Variants in PNPLA3 observed in about 807,000 individuals in gnomAD.
PNPLA3 encodes 1-acylglycerol-3-phosphate O-acyltransferase PNPLA3.
PNPLA3 carries 42 observed loss-of-function variants against 43.1 expected under a neutral mutation model. The observed-to-expected ratio is 0.97, with a 90% CI of 0.76 to 1.26. The LOEUF is 1.26. Among genes scored for constraint, PNPLA3 ranks in the 50% most tolerant of loss-of-function variants. The pLI, the probability that PNPLA3 is intolerant of heterozygous loss-of-function variation, is 0.00. For synonymous variants in PNPLA3, 272 were observed against 253.6 expected, an observed-to-expected ratio of 1.07 and a Z score of -0.69; for missense variants, 647 against 621.4, an observed-to-expected ratio of 1.04 and a Z score of -0.44.
At chr22:43,946,061 T>G (rs2050060842) in intron 8 of PNPLA3, 93 bp from the exon 9 acceptor site, 3 of 1,183,032 alleles carry the variant, frequency 2.5e-6, no homozygotes, top group East Asian at 2.3e-5. Flanking sequence ...TGTGGTGCCC[T>G]CTACTGGCCG....
intron 7 of PNPLA3, among the ~76,000 whole-genome samples, chr22:43,941,148 C>CAAAAAAA (rs577344067): frequency 1.0e-4 from 8 of 79,884 alleles, no homozygotes; most frequent in South Asian, 5.5e-4. Flanking sequence ...AACTCCGACT[C>CAAAAAAA]AAAAAAAAAA....
chr22:43,930,600 T>A (rs2049955659), intron 3 of PNPLA3, among the ~76,000 whole-genome samples: 1 of 152,176 alleles, frequency 6.6e-6, no homozygotes, highest in Admixed American at 6.5e-5. Flanking sequence ...GTCGAGAGTT[T>A]CAAGCCCTCT....
chr22:43,924,225 C>T (rs2049906354), intron 1 of PNPLA3, 127 bp downstream of exon 1: 3 of 1,106,824 alleles, frequency 2.7e-6, no homozygotes, highest in Non-Finnish European at 2.4e-6. Flanking sequence ...CGGCGGGGTG[C>T]ATCCCGAGGG....
At chr22:43,942,701 C>CTTTTTTTTTTTTTT (rs398037291) in intron 7 of PNPLA3, among the ~76,000 whole-genome samples, 8 of 113,642 alleles carry the variant, frequency 7.0e-5, no homozygotes, top group Non-Finnish European at 1.0e-4. Flanking sequence ...TTTCTTTTTT[C>CTTTTTTTTTTTTTT]TTTTTTTTTT....
Position 43,927,044 on chromosome 22 carries a change from C to T in PNPLA3, c.297C>T (p.Cys99=). 1 of 1,614,226 alleles carries T rather than the reference C, an allele frequency of 6.2e-7. No homozygotes were observed. The highest frequency in any genetic ancestry group is 8.5e-7 in the Non-Finnish European group (1 of 1,180,028). ...GCAAGTTCCTCCGACAGGGTCTCTG[C>T]AAATGCCTCCCGGCCAATGTCCACC... ...NLSKFLRQGL[C]KCLPANVHQL... is the part of the protein sequence containing the mutation. The change falls in exon 2 of 9, where the codon TGC becomes TGT. Residue 99 remains cysteine (C), a synonymous_variant. Transcript: ENST00000216180.
At chr22:43,941,937 T>C (rs1277369181) in intron 7 of PNPLA3, among the ~76,000 whole-genome samples, 1 of 152,154 alleles carries the variant, frequency 6.6e-6, no homozygotes, top group Non-Finnish European at 1.5e-5. Flanking sequence ...CGAGTGCTGA[T>C]CTGTCTGCTA....
In PNPLA3 at chr22:43,932,947, C is replaced by A; in HGVS notation, c.556C>A (p.Pro186Thr). ...IDAKTTITVS[P>T]FYGEYDICPK... ...TGCCAAAACAACCATCACCGTGTCCCCCTTCTATGGGGAGTACGACATCTG... is the reference window on the plus strand; with the variant it reads ...TGCCAAAACAACCATCACCGTGTCCACCTTCTATGGGGAGTACGACATCTG... The change falls in exon 4 of 9, where the codon CCC becomes ACC. Residue 186 changes from proline to threonine, a missense_variant. Pro to Thr is a conservative substitution (Grantham distance 38). Coordinates refer to ENST00000216180, the MANE Select transcript of PNPLA3 (RefSeq NM_025225.3). The A allele has an allele frequency of 2.5e-6, 4 of 1,614,184 alleles. No homozygotes were observed. The African/African-American group carries it at 5.3e-5, about 22-fold the overall frequency.
intron 1 of PNPLA3, among the ~76,000 whole-genome samples, 162 bp from the exon 2 acceptor site, chr22:43,926,769 ACGAG>A (rs2049925153): frequency 6.6e-6 from 1 of 152,236 alleles, no homozygotes; most frequent in Non-Finnish European, 1.5e-5. Context: ...CTCAGTTTTG[ACGAG>A]CCACATTTCA....
At position 43,947,002 on chromosome 22, in the gene PNPLA3, G is replaced by A. The variant is rs1401951597; in HGVS notation, c.*620G>A. On this transcript the variant is annotated 3_prime_UTR_variant, in exon 9 of 9. Coordinates refer to ENST00000216180, the MANE Select transcript of PNPLA3 (RefSeq NM_025225.3). ...GTTTTGTATAAAAATGTAAGGAAGC[G>A]TTGTTACCTGTTGAATTTTGTATTA... The A allele has an allele frequency of 2.2e-5, 6 of 271,362 alleles. No homozygotes were observed. The highest frequency in any genetic ancestry group is 1.5e-4 in the South Asian group (4 of 27,220). The allele number at this position is 271,362 out of a possible 1,614,324, so 16.8% of individuals were successfully genotyped here.
chr22:43,934,416 G>A (rs546563156), intron 4 of PNPLA3, among the ~76,000 whole-genome samples, 190 bp from the exon 5 acceptor site: 2 of 151,992 alleles, frequency 1.3e-5, no homozygotes, highest in East Asian at 3.9e-4. Context: ...CATTCAAGCC[G>A]AGACCTCCAG....
Position 43,937,134 on chromosome 22 carries a change from A to G in PNPLA3, c.841A>G (p.Met281Val), listed in dbSNP as rs1282108483. ...PEVAMPSWAN[M>V]SLDSSPESAA... ...GGTCGCCATGCCCAGCTGGGCAAAC[A>G]TGAGTCTGGATTCTTCCCCGGAGTC... Residue 281 changes from methionine (M) to valine (V), a missense_variant, in exon 6 of 9, where the codon ATG becomes GTG. Met to Val is a conservative substitution (Grantham distance 21, BLOSUM62 1). Transcript: ENST00000216180. 4.3e-6 allele frequency: 7 copies of G among 1,613,998 alleles called. No individual in the cohort carries two copies. Among genetic ancestry groups the G allele is most frequent in the Non-Finnish European group, 5.9e-6 (7 of 1,180,028 alleles).
Position 43,923,825 on chromosome 22 carries a change from G to T in PNPLA3, c.-87G>T, listed in dbSNP as rs2049901661. ...AGGGTAGAGAGCGCTTGCGGGCGCC[G>T]GGCGGAGCTGCTGCGGATCAGGACC... On this transcript the variant is annotated 5_prime_UTR_variant, in exon 1 of 9. Coordinates refer to ENST00000216180, the MANE Select transcript of PNPLA3 (RefSeq NM_025225.3). 3.0e-6 allele frequency: 4 copies of T among 1,321,418 alleles called. No homozygotes were observed. The highest frequency in any genetic ancestry group is 3.9e-6 in the Non-Finnish European group (4 of 1,017,604). 81.9% of individuals were successfully genotyped at this position (1,321,418 alleles called of 1,614,324 possible). A position where few individuals can be genotyped will look rare whatever the true frequency, so the allele number is the denominator to read the frequency against.
At chr22:43,938,566 T>C (rs558989767) in intron 6 of PNPLA3, among the ~76,000 whole-genome samples, 1 of 152,096 alleles carries the variant, frequency 6.6e-6, no homozygotes, top group South Asian at 2.1e-4. Flanking sequence ...AGAGGGAAGG[T>C]GCCATACACT....
intron 6 of PNPLA3, among the ~76,000 whole-genome samples, chr22:43,938,739 A>G (rs1484510431): frequency 1.3e-5 from 2 of 152,326 alleles, no homozygotes; most frequent in South Asian, 2.1e-4. Flanking sequence ...TCCAAACCAT[A>G]TGACCAGATT....
chr22:43,932,312 G>T (rs1477158948), intron 3 of PNPLA3, among the ~76,000 whole-genome samples: 1 of 152,174 alleles, frequency 6.6e-6, no homozygotes, highest in African/African-American at 2.4e-5. Flanking sequence ...CAGGTTCATT[G>T]TTTCATTTAA....
chr22:43,927,509 G>C (rs901536133), intron 2 of PNPLA3, among the ~76,000 whole-genome samples: 1 of 148,848 alleles, frequency 6.7e-6, no homozygotes, highest in Admixed American at 6.7e-5. Context: ...AAAAAAGAAA[G>C]ACTGTTTTGT....
rs773357812 is a variant in PNPLA3, at chr22:43,946,362, T to G, written c.1426T>G (p.Ser476Ala). Residue 476 changes from serine to alanine, a missense_variant, in exon 9 of 9, where the codon TCA becomes GCA. By Grantham distance (99) the Ser-to-Ala change is moderately conservative. Coordinates refer to ENST00000216180, the MANE Select transcript of PNPLA3 (RefSeq NM_025225.3). Reference protein sequence around the residue: ...AEGLSTFPSFSLEKSL With the variant: ...AEGLSTFPSFALEKSL ...GGGGCTCTCCACCTTTCCCAGTTTT[T>G]CACTAGAGAAGAGTCTGTGAGTCAC... The G allele has an allele frequency of 2.5e-6, 4 of 1,614,152 alleles. No individual in the cohort carries two copies. Among genetic ancestry groups the G allele is most frequent in the Non-Finnish European group, 2.5e-6 (3 of 1,180,016 alleles).
In PNPLA3 at chr22:43,946,187, C is replaced by T. The variant is rs2050062069; in HGVS notation, c.1251C>T (p.Ser417=). The T allele has an allele frequency of 2.5e-6, 4 of 1,614,060 alleles. No individual in the cohort carries two copies. Among genetic ancestry groups the T allele is most frequent in the Non-Finnish European group, 3.4e-6 (4 of 1,179,934 alleles). ...TGCCAGTGAGCAGCCAACAGGCCTC[C>T]CCATGCACACCTGAGCAGGACTGGC... is the stretch of plus-strand genomic sequence containing the variant. The part of the protein sequence containing the change: ...SQMPVSSQQA[S]PCTPEQDWPC... The change falls in exon 9 of 9, where the codon TCC becomes TCT. Residue 417 remains serine (S), a synonymous_variant. Coordinates refer to ENST00000216180, the MANE Select transcript of PNPLA3 (RefSeq NM_025225.3).
chr22:43,928,027 C>T (rs1045500938), intron 2 of PNPLA3, among the ~76,000 whole-genome samples: 1 of 152,220 alleles, frequency 6.6e-6, no homozygotes, highest in African/African-American at 2.4e-5. Flanking sequence ...AGGGTGGGAA[C>T]GTGCCTTATT....
Sources: allele counts gnomAD v4.1 joint callset (sites outside exome capture counted in the v4.1 genomes callset), GRCh38; gene constraint gnomAD v4.1.1; transcripts MANE v1.5; gene names NCBI Gene and HGNC (gene_info 2026-07-23, HGNC 2026-07-21).